HIPK3: variants seen among roughly 807,000 people sequenced by gnomAD.
HIPK3 encodes the protein homeodomain interacting protein kinase 3.
HIPK3 carries 47 observed loss-of-function variants against 124.2 expected under a neutral mutation model. The ratio of observed to expected loss-of-function variants is 0.38; its 90% CI spans 0.30 to 0.48. HIPK3 has a LOEUF of 0.48. HIPK3 is among the 20% of genes least tolerant of loss of function. The probability of loss-of-function intolerance (pLI) is 0.98; values close to 1 mark genes in which losing one functional copy is unlikely to be tolerated. For missense variants in HIPK3, 1,286 were observed against 1,454.3 expected, an observed-to-expected ratio of 0.88 and a Z score of 1.88; for synonymous variants, 482 against 515.2, an observed-to-expected ratio of 0.94 and a Z score of 0.87.
intron 5 of HIPK3, 73 bp downstream of exon 5, chr11:33,338,916 A>C: frequency 2.0e-6 from 2 of 990,314 alleles, no homozygotes; most frequent in Non-Finnish European, 3.1e-6. Flanking sequence ...GGCCCAAAAC[A>C]TGTTACTCAG....
rs1853746577 is a variant in HIPK3, at chr11:33,353,900, T to TG, written c.*332_*333insG. The TG allele has an allele frequency of 7.0e-6, 2 of 286,380 alleles. No individual in the cohort carries two copies. The highest frequency in any genetic ancestry group is 1.3e-5 in the Non-Finnish European group (2 of 149,350). The allele number at this position is 286,380 out of a possible 1,614,324, so 17.7% of individuals were successfully genotyped here. On this transcript the variant is annotated 3_prime_UTR_variant, in exon 17 of 17. Coordinates refer to ENST00000303296, the MANE Select transcript of HIPK3 (RefSeq NM_005734.5). ...TTGGGAAGCCATTCTGTGTACAGAC[T>TG]TAGAGCAACAGATGCACATATGTCA...
chr11:33,353,768 T>A lies in HIPK3; in HGVS notation c.*200T>A. 2 of 534,926 alleles carry A rather than the reference T, an allele frequency of 3.7e-6. No homozygotes were observed. The highest frequency in any genetic ancestry group is 3.4e-6 in the Non-Finnish European group (1 of 297,064). 33.1% of individuals were successfully genotyped at this position (534,926 alleles called of 1,614,324 possible). The stretch of plus-strand genomic sequence containing the variant: ...ATAACTTGTCTTTGGTCATGTTATC[T>A]TCTTATGTAGTAACTCTAGACAGGT... On this transcript the variant is annotated 3_prime_UTR_variant, in exon 17 of 17. Transcript: ENST00000303296.
Position 33,287,525 on chromosome 11 carries a change from C to G in HIPK3, c.1097+14C>G, listed in dbSNP as rs775044713. 1 of 1,590,008 alleles carries G rather than the reference C, an allele frequency of 6.3e-7. No individual in the cohort carries two copies. Among genetic ancestry groups the G allele is most frequent in the South Asian group, 1.1e-5 (1 of 88,086 alleles). Reference sequence around the variant, plus strand: ...TCGGTACTACAGGTAGGTAACAACTCCATACTTTTTGGTTGTTTATTAATG... The same window carrying G: ...TCGGTACTACAGGTAGGTAACAACTGCATACTTTTTGGTTGTTTATTAATG... On this transcript the variant is annotated intron_variant, in intron 2 of 16. Transcript: ENST00000303296.
chr11:33,336,070 A>C (rs1374209723), intron 3 of HIPK3, among the ~76,000 whole-genome samples: 1 of 152,144 alleles, frequency 6.6e-6, no homozygotes, highest in African/African-American at 2.4e-5. Flanking sequence ...ATATTAGATA[A>C]TGAAAAGCGC....
At chr11:33,299,258 G>A (rs1851925503) in intron 2 of HIPK3, among the ~76,000 whole-genome samples, 1 of 151,108 alleles carries the variant, frequency 6.6e-6, no homozygotes, top group African/African-American at 2.4e-5. Context: ...TGGATCACGA[G>A]GTCAGGAGTT....
At chr11:33,286,268 C>A in intron 1 of HIPK3, 145 bp from the exon 2 acceptor site, 1 of 732,580 alleles carries the variant, frequency 1.4e-6, no homozygotes, top group Non-Finnish European at 2.1e-6. Flanking sequence ...AAATCATCTT[C>A]ATGGAAATTA....
intron 2 of HIPK3, among the ~76,000 whole-genome samples, chr11:33,306,708 G>A (rs1189264083): frequency 1.3e-5 from 2 of 152,130 alleles, no homozygotes; most frequent in Admixed American, 6.5e-5. Context: ...ACTCCATAAT[G>A]TATATAAAGT....
At chr11:33,326,881 A>G (rs1852827020) in intron 2 of HIPK3, among the ~76,000 whole-genome samples, 1 of 152,042 alleles carries the variant, frequency 6.6e-6, no homozygotes, top group South Asian at 2.1e-4. Context: ...AGGTCTCATT[A>G]TGTTGCCCAG....
intron 2 of HIPK3, among the ~76,000 whole-genome samples, chr11:33,315,553 A>G (rs991321154): frequency 6.6e-5 from 10 of 152,002 alleles, no homozygotes; most frequent in African/African-American, 2.4e-4. Flanking sequence ...TGTAGAGACA[A>G]GGTCTTGCTG....
chr11:33,334,997 G>A (rs1853098064), intron 3 of HIPK3, among the ~76,000 whole-genome samples: 1 of 152,164 alleles, frequency 6.6e-6, no homozygotes, highest in African/African-American at 2.4e-5. Context: ...TGTTAATGAA[G>A]TAAAATTGTT....
chr11:33,348,110 A>G, intron 11 of HIPK3, 56 bp from the exon 12 acceptor site: 1 of 1,605,510 alleles, frequency 6.2e-7, no homozygotes, highest in East Asian at 2.2e-5. Context: ...ATTCAAAATG[A>G]CCTCTTTTAT....
intron 3 of HIPK3, among the ~76,000 whole-genome samples, chr11:33,336,257 T>C (rs1349383651): frequency 6.6e-6 from 1 of 152,014 alleles, no homozygotes; most frequent in Non-Finnish European, 1.5e-5. Context: ...CAAACAGAAA[T>C]ATTAAGTTCA....
At chr11:33,328,666 A>G (rs1416863773) in intron 3 of HIPK3, 33 bp downstream of exon 3, 2 of 1,600,890 alleles carry the variant, frequency 1.2e-6, no homozygotes, top group Non-Finnish European at 1.7e-6. Flanking sequence ...TAGAATTGGT[A>G]AAAAGTAAAG....
In HIPK3 at chr11:33,278,896, G is replaced by A. The variant is rs1025187050; in HGVS notation, c.-2-7517G>A. Among the ~76,000 whole-genome samples the A allele has an allele frequency of 5.9e-5, 9 of 152,182 alleles. No homozygotes were observed. The South Asian group carries it at 1.5e-3, about 25-fold the overall frequency. The stretch of plus-strand genomic sequence containing the variant: ...ATAGTAAATTTTATTTATTTTTACC[G>A]CAATTTTTAAAAAGGAAAAGATTTT... On this transcript the variant is annotated intron_variant, in intron 1 of 16. Transcript: ENST00000303296.
chr11:33,277,390 A>C (rs1197578292), intron 1 of HIPK3, among the ~76,000 whole-genome samples: 2 of 152,208 alleles, frequency 1.3e-5, no homozygotes, highest in Admixed American at 1.3e-4. Flanking sequence ...GCACTTCATC[A>C]GTTCTAGCAC....
rs544209708 is a variant in HIPK3 at position 33,331,433 on chromosome 11, G to A, written c.1221+2800G>A. 2.8e-4 allele frequency among the ~76,000 whole-genome samples: 43 copies of A among 152,298 alleles called. 1 individual carries two copies. Among genetic ancestry groups the A allele is most frequent in the East Asian group, 1.4e-3 (7 of 5,174 alleles). ...CTGTCATCTAGGCTGGAATGCAGTGGCATGATCATAGCTCACTGCAGTCTT... is the reference window on the plus strand; with the variant it reads ...CTGTCATCTAGGCTGGAATGCAGTGACATGATCATAGCTCACTGCAGTCTT... On this transcript the variant is annotated intron_variant, in intron 3 of 16. Transcript: ENST00000303296.
chr11:33,267,505 T>C (rs7941856), intron 1 of HIPK3, among the ~76,000 whole-genome samples: 1 of 150,814 alleles, frequency 6.6e-6, no homozygotes. Context: ...TATTATTATT[T>C]TTTTTTTTGA....
Position 33,286,645 on chromosome 11 carries a change from A to C in HIPK3, c.231A>C (p.Ser77=). 1 of 1,614,164 alleles carries C rather than the reference A, an allele frequency of 6.2e-7. No homozygotes were observed. Among genetic ancestry groups the C allele is most frequent in the Non-Finnish European group, 8.5e-7 (1 of 1,180,020 alleles). The change falls in exon 2 of 17, where the codon TCA becomes TCC. Residue 77 remains serine (S), a synonymous_variant. Coordinates refer to ENST00000303296, the MANE Select transcript of HIPK3 (RefSeq NM_005734.5). The part of the protein sequence containing the change: ...PFNRPRGHNF[S]LQTSAVVLKN... ...ATAGACCTCGAGGACACAACTTTTC[A>C]TTGCAGACAAGTGCTGTTGTTTTGA...
rs140297828 is a variant in HIPK3 at position 33,347,333 on chromosome 11, A to G, written c.1938A>G (p.Ile646Met). 15 of 1,613,534 alleles carry G rather than the reference A, an allele frequency of 9.3e-6. No homozygotes were observed. The highest frequency in any genetic ancestry group is 2.7e-5 in the African/African-American group (2 of 74,924). ...ATGGTAAACCCACCAGTTATTCAAT[A>G]AGGGTAGATAATACAGTTCCACTTG... ...ATHGKPTSYS[I>M]RVDNTVPLVT... The change falls in exon 9 of 17, where the codon ATA becomes ATG. Residue 646 changes from isoleucine (I) to methionine (M), a missense_variant. Physicochemically the swap from Ile to Met is conservative, Grantham distance 10 (BLOSUM62 1). Coordinates refer to ENST00000303296, the MANE Select transcript of HIPK3 (RefSeq NM_005734.5).
Sources: gnomAD v4.1 joint callset for allele counts (sites outside exome capture counted in the v4.1 genomes callset) on GRCh38, gnomAD v4.1.1 for gene constraint, MANE v1.5 for transcripts, NCBI Gene and HGNC (gene_info 2026-07-23, HGNC 2026-07-21) for gene names.